MGAM: variants seen among roughly 807,000 people sequenced by gnomAD.
MGAM encodes the protein alpha-1,4-glucosidase.
Under a neutral mutation model 358.8 loss-of-function variants are expected in MGAM, and 253 were observed. The ratio of observed to expected loss-of-function variants is 0.71; its 90% CI spans 0.64 to 0.78. The LOEUF (loss-of-function observed/expected upper bound fraction) is 0.78. MGAM is among the 30% of genes least tolerant of loss of function. The pLI, the probability that MGAM is intolerant of heterozygous loss-of-function variation, is 0.00. For synonymous variants in MGAM, 1,105 were observed against 1,227.1 expected (o/e 0.90, Z 2.08); for missense variants, 3,080 against 3,432.6 (o/e 0.90, Z 2.57).
intron 26 of MGAM, among the ~76,000 whole-genome samples, chr7:142,054,536 A>T (rs1213145440): frequency 6.6e-6 from 1 of 152,180 alleles, no homozygotes; most frequent in Non-Finnish European, 1.5e-5. Context: ...GCAATGTCCC[A>T]TTGAGTTTAT....
Position 142,097,501 on chromosome 7 carries a change from A to T in MGAM, c.7693-92A>T, listed in dbSNP as rs1379408936. 3.9e-6 allele frequency: 5 copies of T among 1,287,876 alleles called. No homozygotes were observed. The African/African-American group carries it at 5.8e-5, about 15-fold the overall frequency. The allele number at this position is 1,287,876 out of a possible 1,614,324, so 79.8% of individuals were successfully genotyped here. A position where few individuals can be genotyped will look rare whatever the true frequency, so the allele number is the denominator to read the frequency against. On this transcript the variant is annotated intron_variant, in intron 65 of 70. Coordinates refer to ENST00000475668, the MANE Select transcript of MGAM (RefSeq NM_001365693.1). ...ACATGAGGCAAGTGGGCCCAAGGCC[A>T]TCACAATTATTTAACCTCTTTCCTA... is the stretch of plus-strand genomic sequence containing the variant.
At chr7:142,078,189 G>A (rs1339661978) in intron 47 of MGAM, 129 bp from the exon 48 acceptor site, 4 of 756,064 alleles carry the variant, frequency 5.3e-6, no homozygotes, top group South Asian at 2.3e-5. Flanking sequence ...GTGATATGTT[G>A]CTTGGATGGT....
At chr7:142,059,790 C>T in intron 32 of MGAM, 66 bp from the exon 33 acceptor site, 3 of 1,575,256 alleles carry the variant, frequency 1.9e-6, no homozygotes, top group East Asian at 2.3e-5. Context: ...GAGGAGTTCT[C>T]CTTCATTCTG....
chr7:142,030,489 T>C lies in MGAM; in HGVS notation c.1349T>C (p.Ile450Thr), dbSNP rs782372862. 67 of 1,613,668 alleles carry C rather than the reference T, an allele frequency of 4.2e-5. No individual in the cohort carries two copies. The highest frequency in any genetic ancestry group is 4.2e-5 in the Non-Finnish European group (50 of 1,179,704). The change falls in exon 11 of 71, where the codon ATT becomes ACT. Residue 450 changes from isoleucine to threonine, a missense_variant. Physicochemically the swap from Ile to Thr is moderately conservative, Grantham distance 89. This residue lies in a region of MGAM where 1,816 missense variants were observed against 1,840.5 expected (regional missense o/e 0.99). Coordinates refer to ENST00000475668, the MANE Select transcript of MGAM (RefSeq NM_001365693.1). ...AATAATGGACAGAAGCTTGTCATCATTGTGGTATGTACTGCCCTCTTTCCA... is the reference window on the plus strand; with the variant it reads ...AATAATGGACAGAAGCTTGTCATCACTGTGGTATGTACTGCCCTCTTTCCA... ...LHNNGQKLVI[I>T]VDPAISNNSS...
At position 142,096,434 on chromosome 7, in the gene MGAM, G is replaced by T; in HGVS notation, c.7692+19G>T. On this transcript the variant is annotated intron_variant, in intron 65 of 70. Coordinates refer to ENST00000475668, the MANE Select transcript of MGAM (RefSeq NM_001365693.1). ...GGAGCGTGTGAGTATGGAGGCCTCC[G>T]ATGAGGGGAGGATCCCAGCTGTGAG... The T allele has an allele frequency of 6.2e-7, 1 of 1,612,964 alleles. No individual in the cohort carries two copies. Among genetic ancestry groups the T allele is most frequent in the Non-Finnish European group, 8.5e-7 (1 of 1,179,008 alleles).
intron 40 of MGAM, among the ~76,000 whole-genome samples, 183 bp from the exon 41 acceptor site, chr7:142,066,390 A>G (rs1255804049): frequency 1.4e-5 from 2 of 146,264 alleles, no homozygotes; most frequent in African/African-American, 4.9e-5. Context: ...AAATTTTATC[A>G]GCTGTCTTAG....
At position 142,074,092 on chromosome 7, in the gene MGAM, A is replaced by G. The variant is rs1813550166; in HGVS notation, c.5194A>G (p.Asn1732Asp). 2 of 1,538,806 alleles carry G rather than the reference A, an allele frequency of 1.3e-6. 1 individual carries two copies. Among genetic ancestry groups the G allele is most frequent in the Non-Finnish European group, 1.8e-6 (2 of 1,120,424 alleles). ...PALNTHLSRK[N>D]PLGLIIALDE... Reference sequence around the variant, plus strand: ...GAATCTTGTTCCCCACAGTCGAAAGAACCCTCTTGGTCTTATTATTGCCCT... The same window carrying G: ...GAATCTTGTTCCCCACAGTCGAAAGGACCCTCTTGGTCTTATTATTGCCCT... The change falls in exon 45 of 71, where the codon AAC becomes GAC. Residue 1732 changes from asparagine to aspartate, a missense_variant. Coordinates refer to ENST00000475668, the MANE Select transcript of MGAM (RefSeq NM_001365693.1).
Position 142,038,259 on chromosome 7 carries a change from A to G in MGAM, c.2232-272A>G, listed in dbSNP as rs144866547. Among the ~76,000 whole-genome samples the G allele has an allele frequency of 2.3e-4, 35 of 152,306 alleles. No individual in the cohort carries two copies. In the East Asian group the frequency reaches 6.6e-3, roughly 29 times the overall value. Reference sequence around the variant, plus strand: ...CTTACTTTTTTTAAAAAGGAGGGCTATGGAAAATAGAATTACAGCCTGGGA... The same window carrying G: ...CTTACTTTTTTTAAAAAGGAGGGCTGTGGAAAATAGAATTACAGCCTGGGA... On this transcript the variant is annotated intron_variant, in intron 18 of 70. Transcript: ENST00000475668.
chr7:142,031,337 A>G (rs1807468579), intron 12 of MGAM, among the ~76,000 whole-genome samples: 2 of 152,214 alleles, frequency 1.3e-5, no homozygotes, highest in South Asian at 2.1e-4. Context: ...TCCACAGCTT[A>G]TAGTGGACTA....
chr7:142,048,113 CTTTTTATT>C lies in MGAM; in HGVS notation c.2587+242_2587+249del, dbSNP rs1402184539. On this transcript the variant is annotated intron_variant, in intron 22 of 70. Coordinates refer to ENST00000475668, the MANE Select transcript of MGAM (RefSeq NM_001365693.1). ...ATTGGACAGTGATATCTATAATAGGCTTTTTATTTATTTATTTATTTATTTATTTATTT... is the reference window on the plus strand; with the variant it reads ...ATTGGACAGTGATATCTATAATAGGCTATTTATTTATTTATTTATTTATTT... 2.5e-4 allele frequency among the ~76,000 whole-genome samples: 37 copies of C among 147,692 alleles called. 1 individual carries two copies. The highest frequency in any genetic ancestry group is 4.8e-4 in the Admixed American group (7 of 14,722).
chr7:142,055,616 C>A lies in MGAM; in HGVS notation c.3373C>A (p.Arg1125Ser), dbSNP rs374214973. 5.0e-6 allele frequency: 8 copies of A among 1,613,940 alleles called. No individual in the cohort carries two copies. In the African/African-American group the frequency reaches 9.3e-5, roughly 19 times the overall value. The change falls in exon 28 of 71, where the codon CGC becomes AGC. Residue 1125 changes from arginine to serine, a missense_variant. By Grantham distance (110) the Arg-to-Ser change is moderately radical (BLOSUM62 -1). This residue lies in a region of MGAM where 1,816 missense variants were observed against 1,840.5 expected (regional missense o/e 0.99). Transcript: ENST00000475668. ...TGACATGTTTATCCGCATCTCCACC[C>A]GCCTTCCCTCCAAGTACCTCTATGG... Reference protein sequence around the residue: ...FSDMFIRISTRLPSKYLYGFG... With the variant: ...FSDMFIRISTSLPSKYLYGFG...
intron 3 of MGAM, among the ~76,000 whole-genome samples, chr7:142,009,489 C>T (rs1805435536): frequency 6.6e-6 from 1 of 152,168 alleles, no homozygotes; most frequent in Non-Finnish European, 1.5e-5. Flanking sequence ...GGAAGCTCAC[C>T]TAGATTATCA....
chr7:142,044,300 C>CTA (rs201634567), intron 21 of MGAM, among the ~76,000 whole-genome samples: 3,196 of 42,592 alleles, frequency 0.075, 705 homozygotes, highest in Middle Eastern at 0.21. Flanking sequence ...ATAATATATA[C>CTA]TATATATAAT....
At chr7:142,047,024 T>C (rs1021928165) in intron 21 of MGAM, among the ~76,000 whole-genome samples, 1 of 152,132 alleles carries the variant, frequency 6.6e-6, no homozygotes, top group Non-Finnish European at 1.5e-5. Context: ...AAACTAACTT[T>C]CTTGCATAGT....
rs774098045 is a variant in MGAM, at chr7:142,078,790, T to C, written c.5647-18T>C. 3.9e-6 allele frequency: 6 copies of C among 1,542,024 alleles called. 2 individuals carry two copies. Among genetic ancestry groups the C allele is most frequent in the Non-Finnish European group, 5.4e-6 (6 of 1,120,104 alleles). ...ACCACATGCTGTGCTGATCTATGAC[T>C]TTGGCCTTACTTTTCAGGCATCCAA... is the stretch of plus-strand genomic sequence containing the variant. On this transcript the variant is annotated intron_variant, in intron 48 of 70. Coordinates refer to ENST00000475668, the MANE Select transcript of MGAM (RefSeq NM_001365693.1).
rs1554458891 is a variant in MGAM at position 142,021,671 on chromosome 7, A to G, written c.644A>G (p.Tyr215Cys). Residue 215 changes from tyrosine (Y) to cysteine (C), a missense_variant, in exon 6 of 71, where the codon TAC becomes TGC. Tyr to Cys is a radical substitution (Grantham distance 194). Transcript: ENST00000475668. ...GGAAATGCTGCTGCTTCTTTGACCT[A>G]CCAAGTTGAAATCTCCAGACAGCCA... is the stretch of plus-strand genomic sequence containing the variant. ...FSGNAAASLTYQVEISRQPFS... is the reference protein window; with the variant it reads ...FSGNAAASLTCQVEISRQPFS... 1.9e-6 allele frequency: 3 copies of G among 1,613,958 alleles called. No individual in the cohort carries two copies. Among genetic ancestry groups the G allele is most frequent in the Non-Finnish European group, 2.5e-6 (3 of 1,179,838 alleles).
chr7:142,101,917 A>AG (rs1816477525), intron 68 of MGAM, among the ~76,000 whole-genome samples: 3 of 151,594 alleles, frequency 2.0e-5, no homozygotes, highest in Non-Finnish European at 1.5e-5. Flanking sequence ...TCAAAAAAAA[A>AG]AAAGAAAGAA....
At position 142,067,486 on chromosome 7, in the gene MGAM, G is replaced by A. The variant is rs1195665188; in HGVS notation, c.5004+61G>A. 1.7e-5 allele frequency: 21 copies of A among 1,254,810 alleles called. 2 individuals carry two copies. The highest frequency in any genetic ancestry group is 2.2e-5 in the Non-Finnish European group (19 of 874,658). 77.7% of individuals were successfully genotyped at this position (1,254,810 alleles called of 1,614,324 possible). A position where few individuals can be genotyped will look rare whatever the true frequency, so the allele number is the denominator to read the frequency against. On this transcript the variant is annotated intron_variant, in intron 42 of 70. Coordinates refer to ENST00000475668, the MANE Select transcript of MGAM (RefSeq NM_001365693.1). ...AGCTGTGAGGCTTGGGGAAAAGGACGAGGAGAAGAGGCCTGAGCTGGTGGG... is the reference window on the plus strand; with the variant it reads ...AGCTGTGAGGCTTGGGGAAAAGGACAAGGAGAAGAGGCCTGAGCTGGTGGG...
At chr7:141,999,244 T>C (rs1584890951) in intron 1 of MGAM, among the ~76,000 whole-genome samples, 1 of 152,336 alleles carries the variant, frequency 6.6e-6, no homozygotes, top group East Asian at 1.9e-4. Context: ...TGATGAATGA[T>C]CTTGGCAAAT....
Sources: gnomAD v4.1 joint callset for allele counts (sites outside exome capture counted in the v4.1 genomes callset) on GRCh38, gnomAD v4.1.1 for gene constraint, gnomAD v4.1.1 regional missense constraint, MANE v1.5 for transcripts, NCBI Gene and HGNC (gene_info 2026-07-23, HGNC 2026-07-21) for gene names.